Variants in EPB41L1 observed in about 807,000 individuals in gnomAD.
EPB41L1 encodes band 4.1-like protein 1.
A neutral mutation model predicts 97.8 loss-of-function variants in EPB41L1; 29 were observed. The ratio of observed to expected loss-of-function variants is 0.30; its 90% CI spans 0.22 to 0.40. The LOEUF is 0.40. EPB41L1 is among the 10% of genes least tolerant of loss of function. EPB41L1 has a pLI of 1.00. For synonymous variants in EPB41L1, 383 were observed against 459.2 expected (o/e 0.83, Z 2.12); for missense variants, 812 against 1,162.3 (o/e 0.70, Z 4.38).
At chr20:36,198,175 G>A in intron 14 of EPB41L1, 134 bp downstream of exon 14, 1 of 842,556 alleles carries the variant, frequency 1.2e-6, no homozygotes, top group East Asian at 2.7e-5. Flanking sequence ...GGGATGGAGA[G>A]GGTGGTAGAT....
rs776241430 is a variant in EPB41L1 at position 36,197,851 on chromosome 20, A to G, written c.1486-8A>G. 5.0e-6 allele frequency: 8 copies of G among 1,614,036 alleles called. No individual in the cohort carries two copies. Among genetic ancestry groups the G allele is most frequent in the Non-Finnish European group, 6.8e-6 (8 of 1,179,992 alleles). On this transcript the variant is annotated splice_region_variant and splice_polypyrimidine_tract_variant and intron_variant, in intron 13 of 21. Transcript: ENST00000338074. ...CCTAACACCACCACCCTCTCCATCTATCCCTAGTTCTTAGACAAGCCAGAA... is the reference window on the plus strand; with the variant it reads ...CCTAACACCACCACCCTCTCCATCTGTCCCTAGTTCTTAGACAAGCCAGAA...
intron 13 of EPB41L1, 143 bp from the exon 14 acceptor site, chr20:36,197,716 T>C (rs2062277360): frequency 1.3e-6 from 2 of 1,551,208 alleles, no homozygotes; most frequent in Non-Finnish European, 1.7e-6. Flanking sequence ...TCTCTGGGGC[T>C]GCCATGAGAG....
At position 36,093,288 on chromosome 20, in the gene EPB41L1, G is replaced by A. The variant is rs1191044507; in HGVS notation, c.-65+1676G>A. Among the ~76,000 whole-genome samples the A allele has an allele frequency of 6.6e-6, 1 of 152,070 alleles. No individual in the cohort carries two copies. The highest frequency in any genetic ancestry group is 1.5e-5 in the Non-Finnish European group (1 of 67,996). On this transcript the variant is annotated intron_variant, in intron 1 of 19. Transcript: ENST00000202028. This position sits in a 1 kb window ranked among gnomAD's most constrained non-coding sequence, Gnocchi z 5.4. The stretch of plus-strand genomic sequence containing the variant: ...CTCTGGGTGAGGGCGTGTGCCAGTG[G>A]CTTCGCTTGTGGCTGCAGCCTGTGG...
intron 2 of EPB41L1, chr20:36,125,638 G>A (rs1338458768): frequency 4.0e-6 from 6 of 1,484,060 alleles, no homozygotes; most frequent in Non-Finnish European, 5.4e-6. Flanking sequence ...TGTGTGTGTT[G>A]GGGACGGCAA....
At chr20:36,211,033 A>G (rs1056127093) in intron 15 of EPB41L1, among the ~76,000 whole-genome samples, 2 of 152,074 alleles carry the variant, frequency 1.3e-5, no homozygotes, top group African/African-American at 4.8e-5. Context: ...TGATCGTGCC[A>G]CTGCACTCCA....
At chr20:36,121,875 G>A (rs1339237090) in intron 2 of EPB41L1, 1 of 152,504 alleles carries the variant, frequency 6.6e-6, no homozygotes, top group Non-Finnish European at 1.5e-5. Flanking sequence ...TGGAGTGGAG[G>A]TGGAGTGAGA....
chr20:36,148,943 G>A (rs1260637455), intron 2 of EPB41L1, among the ~76,000 whole-genome samples: 3 of 152,214 alleles, frequency 2.0e-5, no homozygotes, highest in Non-Finnish European at 2.9e-5. Context: ...GGGAGCATGC[G>A]GGGCGGAGAT....
chr20:36,149,307 C>A (rs6060824), intron 2 of EPB41L1, among the ~76,000 whole-genome samples: 1 of 152,174 alleles, frequency 6.6e-6, no homozygotes, highest in African/African-American at 2.4e-5. Flanking sequence ...ACACTAGATA[C>A]GTATGGAAAA....
intron 1 of EPB41L1, chr20:36,155,710 C>T: frequency 2.2e-6 from 1 of 446,484 alleles, no homozygotes; most frequent in Non-Finnish European, 4.5e-6. Flanking sequence ...TCTCCCTCAG[C>T]TGCCAGCCAT....
intron 14 of EPB41L1, among the ~76,000 whole-genome samples, chr20:36,204,124 C>G (rs1472647173): frequency 6.6e-6 from 1 of 152,178 alleles, no homozygotes; most frequent in Non-Finnish European, 1.5e-5. Flanking sequence ...GCCTGCCTTT[C>G]CACTTGCTCC....
intron 5 of EPB41L1, among the ~76,000 whole-genome samples, chr20:36,179,513 ACCTGT>A (rs1347510178): frequency 6.6e-6 from 1 of 152,160 alleles, no homozygotes; most frequent in Non-Finnish European, 1.5e-5. Context: ...CAGGCCAACA[ACCTGT>A]CCTTTCTGGC....
intron 7 of EPB41L1, among the ~76,000 whole-genome samples, chr20:36,185,634 A>G (rs1264928721): frequency 6.6e-6 from 1 of 152,174 alleles, no homozygotes; most frequent in Non-Finnish European, 1.5e-5. Context: ...AATAATCGCT[A>G]CTGTGTCTCT....
At chr20:36,143,998 G>A (rs549462365) in intron 2 of EPB41L1, among the ~76,000 whole-genome samples, 25 of 151,868 alleles carry the variant, frequency 1.6e-4, no homozygotes, top group African/African-American at 3.4e-4. Context: ...GACTACAGGC[G>A]CACGCCACCA....
At chr20:36,174,988 G>A (rs1475985831) in intron 2 of EPB41L1, among the ~76,000 whole-genome samples, 2 of 152,148 alleles carry the variant, frequency 1.3e-5, no homozygotes, top group East Asian at 3.9e-4. Context: ...AGCTACAACA[G>A]ACTCACCTCC....
Position 36,212,187 on chromosome 20 carries a change from C to T in EPB41L1, c.2080-85C>T. On this transcript the variant is annotated intron_variant, in intron 15 of 21. Transcript: ENST00000338074. This position sits in a 1 kb window ranked among gnomAD's most constrained non-coding sequence, Gnocchi z 4.8. Reference sequence around the variant, plus strand: ...GCCAGCTGTGGGGATAGGAGATAGCCTGCAGACACCACACTGCAATTGTCT... The same window carrying T: ...GCCAGCTGTGGGGATAGGAGATAGCTTGCAGACACCACACTGCAATTGTCT... 7.8e-7 allele frequency: 1 copy of T among 1,288,272 alleles called. No homozygotes were observed. Among genetic ancestry groups the T allele is most frequent in the Non-Finnish European group, 1.1e-6 (1 of 886,480 alleles). The allele number at this position is 1,288,272 out of a possible 1,614,324, so 79.8% of individuals were successfully genotyped here.
rs1569314414 is a variant in EPB41L1, at chr20:36,206,298, G to A, written c.1669-3190G>A. ...CAGAGCTGAGGAAGGGGCTGGAGGA[G>A]CCTCACACTTGTGGGAGACCCACTG... On this transcript the variant is annotated intron_variant, in intron 14 of 21. Transcript: ENST00000338074. The surrounding 1 kb of genome is among the most constrained non-coding windows in gnomAD (Gnocchi z 5.5). 1 of 1,289,936 alleles carries A rather than the reference G, an allele frequency of 7.8e-7. No homozygotes were observed. Among genetic ancestry groups the A allele is most frequent in the Admixed American group, 2.3e-5 (1 of 43,574 alleles). The allele number at this position is 1,289,936 out of a possible 1,614,324, so 79.9% of individuals were successfully genotyped here.
At chr20:36,131,102 A>G (rs2059188032) in intron 2 of EPB41L1, among the ~76,000 whole-genome samples, 1 of 151,652 alleles carries the variant, frequency 6.6e-6, no homozygotes, top group Non-Finnish European at 1.5e-5. Context: ...CAGCCTCCCG[A>G]GTAGCTGGGG....
chr20:36,130,895 T>C (rs2059176825), intron 2 of EPB41L1, among the ~76,000 whole-genome samples: 1 of 151,878 alleles, frequency 6.6e-6, no homozygotes, highest in Non-Finnish European at 1.5e-5. Flanking sequence ...CTGTAACCTC[T>C]GCCTCTGGGT....
upstream of EPB41L1, chr20:36,154,648 C>T (rs1239097793): frequency 1.0e-6 from 1 of 967,844 alleles, no homozygotes; most frequent in Non-Finnish European, 1.2e-6. This position sits in a 1 kb window ranked among gnomAD's most constrained non-coding sequence, Gnocchi z 5.5. Flanking sequence ...GGGGCGGGGG[C>T]TGGCCGCGCG....
Sources: gnomAD v4.1 joint callset for allele counts (sites outside exome capture counted in the v4.1 genomes callset) on GRCh38, gnomAD v4.1.1 for gene constraint, Gnocchi (gnomAD v3.1) non-coding constraint, MANE v1.5 for transcripts, NCBI Gene and HGNC (gene_info 2026-07-23, HGNC 2026-07-21) for gene names.